Variants in AURKA observed in about 807,000 individuals in gnomAD.
AURKA encodes aurora kinase A.
In AURKA, 12 loss-of-function variants were observed where a neutral mutation model predicts 40.9. The ratio of observed to expected loss-of-function variants is 0.29; its 90% CI spans 0.19 to 0.48. AURKA has a LOEUF of 0.48. AURKA is among the 20% of genes least tolerant of loss of function. AURKA has a pLI of 0.99. For missense variants in AURKA, 322 were observed against 462.1 expected, an observed-to-expected ratio of 0.70 and a Z score of 2.78; for synonymous variants, 170 against 164.3, an observed-to-expected ratio of 1.03 and a Z score of -0.26.
rs537311480 is a variant in AURKA, at chr20:56,374,586, T to G, written c.706-1030A>C. On this transcript the variant is annotated intron_variant, in intron 6 of 8. Transcript: ENST00000395915. ...AAATCAGTCCTTTTGTTAATTTTAT[T>G]TCCTTAAGTTACTATCTTTTTTTTT... Among the ~76,000 whole-genome samples the G allele has an allele frequency of 3.3e-5, 5 of 152,242 alleles. No homozygotes were observed. In the East Asian group the frequency reaches 9.7e-4, roughly 29 times the overall value.
intron 6 of AURKA, among the ~76,000 whole-genome samples, chr20:56,380,512 G>A (rs541245349): frequency 7.2e-5 from 11 of 152,124 alleles, no homozygotes; most frequent in African/African-American, 2.4e-4. Flanking sequence ...AATAAATAAG[G>A]GAGAACAGCC....
intron 1 of AURKA, chr20:56,390,643 G>A (rs1349810275): frequency 6.6e-6 from 1 of 151,192 alleles, no homozygotes; most frequent in African/African-American, 2.4e-5. Flanking sequence ...CCCGCACTCT[G>A]GCCTGGGCAA....
intron 2 of AURKA, among the ~76,000 whole-genome samples, chr20:56,386,805 T>G (rs1986433849): frequency 1.3e-5 from 2 of 152,184 alleles, no homozygotes; most frequent in African/African-American, 4.8e-5. Flanking sequence ...AGACACTTTC[T>G]AAAATTTCTC....
chr20:56,389,313 C>T (rs775770119), intron 1 of AURKA, among the ~76,000 whole-genome samples: 1 of 152,136 alleles, frequency 6.6e-6, no homozygotes, highest in Non-Finnish European at 1.5e-5. Flanking sequence ...GCGTCTTCTG[C>T]CCTAGTCTCT....
rs1265082995 is a variant in AURKA, at chr20:56,373,766, C to T, written c.706-210G>A. Among the ~76,000 whole-genome samples, 1 of 152,092 alleles carries T rather than the reference C, an allele frequency of 6.6e-6. No individual in the cohort carries two copies. The highest frequency in any genetic ancestry group is 6.6e-5 in the Admixed American group (1 of 15,264). ...AGGGGTTCAAGACCAGCCTGGGAAACATAGCAAGACTCCATCTCTACAAAA... is the reference window on the plus strand; with the variant it reads ...AGGGGTTCAAGACCAGCCTGGGAAATATAGCAAGACTCCATCTCTACAAAA... On this transcript the variant is annotated intron_variant, in intron 6 of 8. Coordinates refer to ENST00000395915, the MANE Select transcript of AURKA (RefSeq NM_198437.3). This position sits in a 1 kb window ranked among gnomAD's most constrained non-coding sequence, Gnocchi z 5.0.
chr20:56,386,679 G>A (rs1986422337), intron 2 of AURKA, 146 bp from the exon 3 acceptor site: 10 of 895,484 alleles, frequency 1.1e-5, no homozygotes, highest in Admixed American at 1.1e-4. Flanking sequence ...ATTTTAATCA[G>A]TACCTCCAGA....
intron 1 of AURKA, among the ~76,000 whole-genome samples, chr20:56,391,711 C>T (rs1987152386): frequency 1.3e-5 from 2 of 152,280 alleles, no homozygotes; most frequent in Admixed American, 1.3e-4. Context: ...GCTATTCTAT[C>T]TAAAGCGGCC....
Position 56,369,666 on chromosome 20 carries a change from C to G in AURKA, c.*492G>C. Reference sequence around the variant, plus strand: ...ATGCCACCAGAGAAAAAATACAAGTCTGTACATATATCTTTATTTTCATAC... The same window carrying G: ...ATGCCACCAGAGAAAAAATACAAGTGTGTACATATATCTTTATTTTCATAC... On this transcript the variant is annotated 3_prime_UTR_variant, in exon 9 of 9. Transcript: ENST00000395915. 1 of 310,168 alleles carries G rather than the reference C, an allele frequency of 3.2e-6. No individual in the cohort carries two copies. Among genetic ancestry groups the G allele is most frequent in the Non-Finnish European group, 6.1e-6 (1 of 164,090 alleles). 19.2% of individuals were successfully genotyped at this position (310,168 alleles called of 1,614,324 possible).
rs144176461 is a variant in AURKA, at chr20:56,371,512, A to T, written c.855-853T>A. On this transcript the variant is annotated intron_variant, in intron 7 of 8. Transcript: ENST00000395915. ...TGAATCTCTTCAGGACCTGAGACCTACATTCCAGTTTTCAGCAAATACGGG... is the reference window on the plus strand; with the variant it reads ...TGAATCTCTTCAGGACCTGAGACCTTCATTCCAGTTTTCAGCAAATACGGG... Among the ~76,000 whole-genome samples, 383 of 144,758 alleles carry T rather than the reference A, an allele frequency of 2.6e-3. 2 individuals carry two copies. The highest frequency in any genetic ancestry group is 9.5e-3 in the African/African-American group (372 of 38,970). The allele number at this position is 144,758 out of a possible 152,430, so 95.0% of individuals were successfully genotyped here.
rs116204060 is a variant in AURKA at position 56,377,975 on chromosome 20, G to A, written c.705+3458C>T. On this transcript the variant is annotated intron_variant, in intron 6 of 8. Transcript: ENST00000395915. ...GAGACCAGGATTTCGAAACCGACCT[G>A]GGCAACAAGGCAAAACCTTGTCTCT... Among the ~76,000 whole-genome samples, 470 of 152,160 alleles carry A rather than the reference G, an allele frequency of 3.1e-3. 1 individual carries two copies. Among genetic ancestry groups the A allele is most frequent in the African/African-American group, 0.011 (451 of 41,508 alleles).
intron 5 of AURKA, among the ~76,000 whole-genome samples, chr20:56,381,931 C>T (rs1012018314): frequency 1.3e-5 from 2 of 151,986 alleles, no homozygotes; most frequent in African/African-American, 2.4e-5. Context: ...TTTGGGAGGC[C>T]GAGGCGGGAG....
intron 5 of AURKA, among the ~76,000 whole-genome samples, chr20:56,382,250 G>A (rs1321062011): frequency 1.3e-5 from 2 of 152,106 alleles, no homozygotes; most frequent in African/African-American, 4.8e-5. Flanking sequence ...GCAGTGATCA[G>A]TAATGGCAGT....
intron 6 of AURKA, among the ~76,000 whole-genome samples, chr20:56,380,675 C>T (rs183395851): frequency 1.8e-4 from 27 of 152,268 alleles, no homozygotes; most frequent in Non-Finnish European, 2.2e-4. Context: ...ACCAGACAAA[C>T]ACTCTCTGAG....
chr20:56,369,575 A>T lies in AURKA; in HGVS notation c.*583T>A. On this transcript the variant is annotated 3_prime_UTR_variant, in exon 9 of 9. Coordinates refer to ENST00000395915, the MANE Select transcript of AURKA (RefSeq NM_198437.3). ...ACTCTCATATGGGAGATAAGTGGTT[A>T]AGGAGGACTAGAAACCCAATCAGGC... 3.9e-6 allele frequency: 1 copy of T among 253,800 alleles called. No homozygotes were observed. 15.7% of individuals were successfully genotyped at this position (253,800 alleles called of 1,614,324 possible). A position where few individuals can be genotyped will look rare whatever the true frequency, so the allele number is the denominator to read the frequency against.
At position 56,369,888 on chromosome 20, in the gene AURKA, G is replaced by A. The variant is rs562313963; in HGVS notation, c.*270C>T. 41 of 534,742 alleles carry A rather than the reference G, an allele frequency of 7.7e-5. No homozygotes were observed. The highest frequency in any genetic ancestry group is 1.2e-4 in the Non-Finnish European group (36 of 294,774). 33.1% of individuals were successfully genotyped at this position (534,742 alleles called of 1,614,324 possible). On this transcript the variant is annotated 3_prime_UTR_variant, in exon 9 of 9. Coordinates refer to ENST00000395915, the MANE Select transcript of AURKA (RefSeq NM_198437.3). ...GACACCATGCCTAGCACAGGCTGACGGGGCGGCTGCAGTCGAACCTTGCCT... is the reference window on the plus strand; with the variant it reads ...GACACCATGCCTAGCACAGGCTGACAGGGCGGCTGCAGTCGAACCTTGCCT...
At chr20:56,380,239 C>T (rs1196418068) in intron 6 of AURKA, among the ~76,000 whole-genome samples, 2 of 150,036 alleles carry the variant, frequency 1.3e-5, no homozygotes, top group African/African-American at 2.5e-5. Context: ...CCTGTACTTC[C>T]AGCTACTTGG....
At chr20:56,374,909 G>A (rs1310426069) in intron 6 of AURKA, among the ~76,000 whole-genome samples, 2 of 152,128 alleles carry the variant, frequency 1.3e-5, no homozygotes, top group African/African-American at 2.4e-5. Context: ...TTAGCCAAGT[G>A]TAGTGGTGCA....
chr20:56,373,813 G>A lies in AURKA; in HGVS notation c.706-257C>T, dbSNP rs1187863924. ...AAAAATTTAAAAATTAGCTGAGCGT[G>A]ATGGTGCATGCCTGTAGTCCCAGCT... On this transcript the variant is annotated intron_variant, in intron 6 of 8. Transcript: ENST00000395915. The surrounding 1 kb of genome is among the most constrained non-coding windows in gnomAD (Gnocchi z 5.0). Among the ~76,000 whole-genome samples, 2 of 152,160 alleles carry A rather than the reference G, an allele frequency of 1.3e-5. No individual in the cohort carries two copies. The highest frequency in any genetic ancestry group is 2.9e-5 in the Non-Finnish European group (2 of 68,042).
At chr20:56,384,877 C>A (rs1009366686) in intron 3 of AURKA, among the ~76,000 whole-genome samples, 2 of 152,204 alleles carry the variant, frequency 1.3e-5, no homozygotes, top group Admixed American at 1.3e-4. Flanking sequence ...GTAACTATTT[C>A]ATCAGCCACA....
Sources: gnomAD v4.1 joint callset for allele counts (sites outside exome capture counted in the v4.1 genomes callset) on GRCh38, gnomAD v4.1.1 for gene constraint, Gnocchi (gnomAD v3.1) non-coding constraint, MANE v1.5 for transcripts, NCBI Gene and HGNC (gene_info 2026-07-23, HGNC 2026-07-21) for gene names.